OTULINL: variants seen among roughly 807,000 people sequenced by gnomAD.
OTULINL encodes inactive ubiquitin thioesterase OTULINL.
A neutral mutation model predicts 43.9 loss-of-function variants in OTULINL; 42 were observed. The observed-to-expected ratio is 0.96, with a 90% confidence interval of 0.75 to 1.24. OTULINL has a LOEUF of 1.24. Among genes scored for constraint, OTULINL ranks in the 50% most tolerant of loss-of-function variants. The probability of loss-of-function intolerance (pLI) is 0.00; values close to 1 mark genes in which losing one functional copy is unlikely to be tolerated. For missense variants in OTULINL, 411 were observed against 426.4 expected (o/e 0.96, Z 0.32); for synonymous variants, 172 against 153.6 (o/e 1.12, Z -0.88).
At chr5:14,607,557 G>GA (rs1759504517) in intron 6 of OTULINL, 99 bp downstream of exon 6, 6 of 1,451,344 alleles carry the variant, frequency 4.1e-6, no homozygotes. Context: ...TTCATGTTAG[G>GA]AAAGTAAGAA....
At chr5:14,582,094 G>T in intron 1 of OTULINL, 136 bp downstream of exon 1, 4 of 615,304 alleles carry the variant, frequency 6.5e-6, no homozygotes, top group Non-Finnish European at 9.1e-6. Flanking sequence ...GAATCCTGGA[G>T]CCCGGGAGCT....
chr5:14,607,443 A>G lies in OTULINL; in HGVS notation c.612A>G (p.Glu204=), dbSNP rs750423163. 3.2e-5 allele frequency: 51 copies of G among 1,613,938 alleles called. No homozygotes were observed. In the South Asian group the frequency reaches 4.9e-4, roughly 16 times the overall value. Reference sequence around the variant, plus strand: ...TTGGAAAACTACGGAAATATGTGGAATTATTGAAAACACAGGTAAGTGTTT... The same window carrying G: ...TTGGAAAACTACGGAAATATGTGGAGTTATTGAAAACACAGGTAAGTGTTT... ...NVFGKLRKYV[E]LLKTQWTEFN... is the part of the protein sequence containing the mutation. The change falls in exon 6 of 8, where the codon GAA becomes GAG. Residue 204 remains glutamate, a synonymous_variant. Coordinates refer to ENST00000274217, the MANE Select transcript of OTULINL (RefSeq NM_019018.3).
Position 14,610,201 on chromosome 5 carries a change from A to G in OTULINL, c.958A>G (p.Lys320Glu). ...EVKIKVFRLF[K>E]FNSRDFEVCY... ...AAAGATAAAAGTGTTCAGACTGTTC[A>G]AGTTTAACTCCAGAGACTTTGAAGT... Residue 320 changes from lysine (K) to glutamate (E), a missense_variant, in exon 8 of 8, where the codon AAG becomes GAG. Physicochemically the swap from Lys to Glu is moderately conservative, Grantham distance 56. Coordinates refer to ENST00000274217, the MANE Select transcript of OTULINL (RefSeq NM_019018.3). The G allele has an allele frequency of 6.2e-7, 1 of 1,614,102 alleles. No individual in the cohort carries two copies. Among genetic ancestry groups the G allele is most frequent in the Non-Finnish European group, 8.5e-7 (1 of 1,179,944 alleles).
chr5:14,609,128 G>A, intron 7 of OTULINL, 111 bp downstream of exon 7: 1 of 1,080,024 alleles, frequency 9.3e-7, no homozygotes, highest in South Asian at 1.6e-5. Flanking sequence ...ATTGCACAGA[G>A]GTGGTTGATT....
At chr5:14,587,324 G>A (rs1237815916) in intron 1 of OTULINL, among the ~76,000 whole-genome samples, 3 of 152,246 alleles carry the variant, frequency 2.0e-5, no homozygotes, top group African/African-American at 7.2e-5. Context: ...ATGCTGCGGA[G>A]CAAGCAGAAT....
intron 1 of OTULINL, among the ~76,000 whole-genome samples, chr5:14,582,357 C>T (rs1759019868): frequency 6.6e-6 from 1 of 151,910 alleles, no homozygotes; most frequent in Admixed American, 6.6e-5. Context: ...GCGCGTGGAC[C>T]CGCGGGGCCC....
intron 1 of OTULINL, among the ~76,000 whole-genome samples, chr5:14,593,208 AAG>A (rs1368101175): frequency 6.6e-6 from 1 of 152,220 alleles, no homozygotes; most frequent in African/African-American, 2.4e-5. Context: ...CATTCCAAAA[AAG>A]GGAAAAAGGA....
In OTULINL at chr5:14,601,565, C is replaced by G. The variant is rs905753881; in HGVS notation, c.348+123C>G. On this transcript the variant is annotated intron_variant, in intron 4 of 7. Transcript: ENST00000274217. ...CAGTACCAAAATGTGAGTCAAGTAA[C>G]AACTGTGGCTCTAACTCAAAAGCCA... 5 of 879,812 alleles carry G rather than the reference C, an allele frequency of 5.7e-6. No homozygotes were observed. The African/African-American group carries it at 8.5e-5, about 15-fold the overall frequency. 54.5% of individuals were successfully genotyped at this position (879,812 alleles called of 1,614,324 possible). A position where few individuals can be genotyped will look rare whatever the true frequency, so the allele number is the denominator to read the frequency against.
intron 1 of OTULINL, among the ~76,000 whole-genome samples, chr5:14,584,388 C>T (rs778413088): frequency 9.2e-5 from 14 of 152,152 alleles, no homozygotes; most frequent in Non-Finnish European, 1.9e-4. Flanking sequence ...TGTGGAACGG[C>T]GCACCCACTC....
intron 4 of OTULINL, 74 bp downstream of exon 4, chr5:14,601,516 G>A (rs527484498): frequency 7.5e-7 from 1 of 1,329,614 alleles, no homozygotes; most frequent in African/African-American, 1.5e-5. Flanking sequence ...ATTCCCTTCT[G>A]CTTTACTAAA....
At chr5:14,599,983 G>A (rs1298092149) in intron 1 of OTULINL, among the ~76,000 whole-genome samples, 1 of 152,226 alleles carries the variant, frequency 6.6e-6, no homozygotes, top group Non-Finnish European at 1.5e-5. Context: ...GATGCCATAT[G>A]TTATGGCATG....
chr5:14,592,846 T>C (rs2126773939), intron 1 of OTULINL, among the ~76,000 whole-genome samples: 1 of 152,346 alleles, frequency 6.6e-6, no homozygotes, highest in South Asian at 2.1e-4. Context: ...CATCAGCCTC[T>C]TGAACGGGAC....
chr5:14,609,475 A>G (rs1023827395), intron 7 of OTULINL, among the ~76,000 whole-genome samples: 1 of 152,258 alleles, frequency 6.6e-6, no homozygotes, highest in African/African-American at 2.4e-5. Flanking sequence ...AGGGCGAACA[A>G]AATTATCTGA....
At chr5:14,604,082 AG>A (rs1759432863) in intron 5 of OTULINL, among the ~76,000 whole-genome samples, 1 of 152,218 alleles carries the variant, frequency 6.6e-6, no homozygotes, top group Admixed American at 6.5e-5. Context: ...CTGTAATCCC[AG>A]CACTTTGGGA....
At chr5:14,610,112 C>A in intron 7 of OTULINL, 29 bp from the exon 8 acceptor site, 1 of 1,599,942 alleles carries the variant, frequency 6.3e-7, no homozygotes, top group Non-Finnish European at 8.6e-7. Flanking sequence ...AAGTGTGTAT[C>A]TGTGACCTGT....
At chr5:14,608,695 G>T in intron 6 of OTULINL, 53 bp from the exon 7 acceptor site, 1 of 1,361,044 alleles carries the variant, frequency 7.3e-7, no homozygotes, top group Non-Finnish European at 1.0e-6. Context: ...TTATGGAATG[G>T]TATATGTCTT....
rs1049947806 is a variant in OTULINL at position 14,601,082 on chromosome 5, A to G, written c.182A>G (p.Tyr61Cys). Residue 61 changes from tyrosine to cysteine, a missense_variant, in exon 2 of 8, where the codon TAC becomes TGC. Transcript: ENST00000274217. The part of the protein sequence containing the change: ...AVSFLVAAIC[Y>C]FRRLHLYSGH... ...TCATTTCTGGTGGCTGCCATCTGCT[A>G]CTTCCGGAGGCTACATTTATATTCA... 6.2e-7 allele frequency: 1 copy of G among 1,613,280 alleles called. No homozygotes were observed. The highest frequency in any genetic ancestry group is 8.5e-7 in the Non-Finnish European group (1 of 1,179,814).
chr5:14,582,058 C>A, intron 1 of OTULINL, 100 bp downstream of exon 1: 1 of 880,162 alleles, frequency 1.1e-6, no homozygotes. Context: ...CCTCGGCGGC[C>A]ACCTTCGCTG....
intron 1 of OTULINL, among the ~76,000 whole-genome samples, chr5:14,600,470 G>A (rs1759365476): frequency 6.6e-6 from 1 of 152,184 alleles, no homozygotes; most frequent in Non-Finnish European, 1.5e-5. Flanking sequence ...ATTTGGGTCT[G>A]GATTGAATCC....
Sources: gnomAD v4.1 joint callset for allele counts (sites outside exome capture counted in the v4.1 genomes callset) on GRCh38, gnomAD v4.1.1 for gene constraint, MANE v1.5 for transcripts, NCBI Gene and HGNC (gene_info 2026-07-23, HGNC 2026-07-21) for gene names.